The following HELZ variants were observed in gnomAD, a reference collection of about 807,000 sequenced individuals.
The protein encoded by HELZ is helicase with zinc finger.
In HELZ, 23 loss-of-function variants were observed where a neutral mutation model predicts 218.2. The ratio of observed to expected loss-of-function variants is 0.11; its 90% CI spans 0.08 to 0.15. The LOEUF is 0.15. HELZ is among the 10% of genes least tolerant of loss of function. The probability of loss-of-function intolerance (pLI) is 1.00; values close to 1 mark genes in which losing one functional copy is unlikely to be tolerated. For synonymous variants in HELZ, 814 were observed against 829.4 expected, an observed-to-expected ratio of 0.98 and a Z score of 0.32; for missense variants, 1,813 against 2,353.7, an observed-to-expected ratio of 0.77 and a Z score of 4.75.
rs1567780631 is a variant in HELZ at position 67,078,229 on chromosome 17, CCCTT to C, written c.*19_*22del. Reference sequence around the variant, plus strand: ...ATACAAACAGAAATTAAAACATTCTCCCTTGAGGGAAAAAAAAAGTGATTATTTA... The same window carrying C: ...ATACAAACAGAAATTAAAACATTCTCGAGGGAAAAAAAAAGTGATTATTTA... On this transcript the variant is annotated 3_prime_UTR_variant, in exon 33 of 33. Transcript: ENST00000358691. The C allele has an allele frequency of 1.3e-6, 2 of 1,529,850 alleles. No individual in the cohort carries two copies. The highest frequency in any genetic ancestry group is 1.8e-6 in the Non-Finnish European group (2 of 1,111,274). The allele number at this position is 1,529,850 out of a possible 1,614,324, so 94.8% of individuals were successfully genotyped here. A position where few individuals can be genotyped will look rare whatever the true frequency, so the allele number is the denominator to read the frequency against.
At chr17:67,148,854 G>A (rs756745834) in intron 19 of HELZ, 140 bp from the exon 20 acceptor site, 11 of 768,330 alleles carry the variant, frequency 1.4e-5, no homozygotes, top group Non-Finnish European at 1.4e-5. Flanking sequence ...AGCACAATCA[G>A]TAATATTTTC....
In HELZ at chr17:67,123,023, G is replaced by A; in HGVS notation, c.3577C>T (p.Leu1193Phe). Residue 1193 changes from leucine (L) to phenylalanine (F), a missense_variant, in exon 26 of 33, where the codon CTT becomes TTT. Leu to Phe is a conservative substitution (Grantham distance 22, BLOSUM62 0). Around this residue, in one of 4 missense-constraint regions of HELZ, gnomAD observed 938 missense variants for 1,027.5 expected, o/e 0.91. Coordinates refer to ENST00000358691, the MANE Select transcript of HELZ (RefSeq NM_014877.4). ...RIDPHTGTSI[L>F]YVPAVYGGNV... ...CCTCCATAGACAGCAGGTACATAAA[G>A]AATACTTGTCCCAGTGTGAGGATCT... The A allele has an allele frequency of 6.2e-7, 1 of 1,613,814 alleles. No individual in the cohort carries two copies. The highest frequency in any genetic ancestry group is 8.5e-7 in the Non-Finnish European group (1 of 1,179,728).
intron 32 of HELZ, among the ~76,000 whole-genome samples, chr17:67,084,924 G>A (rs895959320): frequency 6.6e-6 from 1 of 151,994 alleles, no homozygotes; most frequent in Non-Finnish European, 1.5e-5. Flanking sequence ...TGGCCAACAC[G>A]ATGTAGCCCC....
At chr17:67,179,776 A>G (rs1169950547) in intron 12 of HELZ, 3 of 152,198 alleles carry the variant, frequency 2.0e-5, no homozygotes, top group Non-Finnish European at 4.4e-5. Context: ...TTACTGATAC[A>G]TTACACCAAG....
chr17:67,158,618 T>C (rs1349833374), intron 17 of HELZ, among the ~76,000 whole-genome samples: 1 of 152,200 alleles, frequency 6.6e-6, no homozygotes, highest in Non-Finnish European at 1.5e-5. Flanking sequence ...TGAAATCACA[T>C]GAAATTTGCA....
At chr17:67,237,233 C>T (rs745338043) in intron 3 of HELZ, among the ~76,000 whole-genome samples, 8 of 151,536 alleles carry the variant, frequency 5.3e-5, no homozygotes, top group Non-Finnish European at 1.0e-4. Context: ...TGCAGTGAGC[C>T]GAGATCCCAC....
intron 31 of HELZ, among the ~76,000 whole-genome samples, chr17:67,088,660 G>C (rs2036465981): frequency 6.6e-6 from 1 of 152,222 alleles, no homozygotes; most frequent in South Asian, 2.1e-4. Context: ...AAGGCAAGAG[G>C]TAGTACTGCC....
At chr17:67,148,079 G>A (rs1475514188) in intron 20 of HELZ, among the ~76,000 whole-genome samples, 9 of 152,160 alleles carry the variant, frequency 5.9e-5, no homozygotes, top group East Asian at 1.9e-4. Context: ...AAAGAGGGTC[G>A]CAGGACCCTC....
At chr17:67,194,593 T>C (rs529816936) in intron 8 of HELZ, among the ~76,000 whole-genome samples, 1 of 152,310 alleles carries the variant, frequency 6.6e-6, no homozygotes, top group African/African-American at 2.4e-5. Context: ...AGATAGGAGC[T>C]AAAAACACAG....
At chr17:67,092,630 T>A (rs187319872) in intron 31 of HELZ, among the ~76,000 whole-genome samples, 2 of 152,216 alleles carry the variant, frequency 1.3e-5, no homozygotes, top group East Asian at 3.9e-4. Flanking sequence ...AGGCAATACA[T>A]CCTGTGATAT....
At chr17:67,100,663 T>C (rs1301829323) in intron 31 of HELZ, among the ~76,000 whole-genome samples, 3 of 151,764 alleles carry the variant, frequency 2.0e-5, no homozygotes, top group African/African-American at 7.3e-5. Flanking sequence ...GACTGAAAAG[T>C]ATAATGGAAA....
chr17:67,198,947 T>C (rs1420122855), intron 7 of HELZ, among the ~76,000 whole-genome samples: 1 of 152,204 alleles, frequency 6.6e-6, no homozygotes, highest in African/African-American at 2.4e-5. Flanking sequence ...AGTCAAGTGA[T>C]ATATGTGGCC....
intron 5 of HELZ, among the ~76,000 whole-genome samples, chr17:67,207,782 G>A (rs1330519794): frequency 6.6e-6 from 1 of 152,134 alleles, no homozygotes; most frequent in African/African-American, 2.4e-5. Flanking sequence ...CCTGAGGCAG[G>A]TGGATCACCT....
intron 32 of HELZ, among the ~76,000 whole-genome samples, 198 bp downstream of exon 32, chr17:67,086,631 A>ATATAAATAAATATATATATAT (rs1598183996): frequency 1.1e-5 from 1 of 93,318 alleles, no homozygotes; most frequent in Non-Finnish European, 2.0e-5. Flanking sequence ...TATAAATATA[A>ATATAAATAAATATATATATAT]ATATATATAT....
At chr17:67,158,983 C>T (rs918986297) in intron 17 of HELZ, among the ~76,000 whole-genome samples, 7 of 152,100 alleles carry the variant, frequency 4.6e-5, no homozygotes, top group East Asian at 3.9e-4. Flanking sequence ...AAGTACACCA[C>T]GATAACTGAG....
At chr17:67,225,983 C>T (rs1045768511) in intron 3 of HELZ, among the ~76,000 whole-genome samples, 10 of 151,992 alleles carry the variant, frequency 6.6e-5, no homozygotes, top group East Asian at 1.9e-4. Context: ...AACTCCCTGA[C>T]GGGCGTGGTG....
upstream of HELZ, chr17:67,245,461 C>T (rs183568844): frequency 4.1e-6 from 4 of 985,590 alleles, no homozygotes; most frequent in East Asian, 1.1e-4. Flanking sequence ...GCCCGGTCCT[C>T]TCGCCTCGCC....
At chr17:67,118,112 A>G (rs1272585246) in intron 27 of HELZ, among the ~76,000 whole-genome samples, 1 of 152,206 alleles carries the variant, frequency 6.6e-6, no homozygotes, top group African/African-American at 2.4e-5. Flanking sequence ...GAGGACTTAC[A>G]CTACCTGACT....
intron 31 of HELZ, among the ~76,000 whole-genome samples, chr17:67,102,060 C>A (rs552954628): frequency 6.6e-6 from 1 of 152,292 alleles, no homozygotes; most frequent in Middle Eastern, 3.4e-3. Flanking sequence ...GCCAAGCAGC[C>A]AAGGGCCATG....
Sources: allele counts gnomAD v4.1 joint callset (sites outside exome capture counted in the v4.1 genomes callset), GRCh38; gene constraint gnomAD v4.1.1; regional missense constraint gnomAD v4.1.1; transcripts MANE v1.5; gene names NCBI Gene and HGNC (gene_info 2026-07-23, HGNC 2026-07-21).